PRIM2: variants seen among roughly 807,000 people sequenced by gnomAD.
The protein encoded by PRIM2 is DNA primase subunit 2, also known as DNA primase large subunit.
PRIM2 carries 39 observed loss-of-function variants against 67.3 expected under a neutral mutation model. The observed-to-expected ratio is 0.58, with a 90% CI of 0.45 to 0.76. The LOEUF is 0.76. Among genes scored for constraint, PRIM2 ranks in the 30% least tolerant of loss-of-function variants. The pLI, the probability that PRIM2 is intolerant of heterozygous loss-of-function variation, is 0.00. For missense variants in PRIM2, 398 were observed against 598.7 expected, an observed-to-expected ratio of 0.66 and a Z score of 3.50; for synonymous variants, 143 against 198.7, an observed-to-expected ratio of 0.72 and a Z score of 2.36.
intron 10 of PRIM2, among the ~76,000 whole-genome samples, chr6:57,557,697 A>C (rs1315527281): frequency 0.03 from 4,588 of 151,438 alleles, 18 homozygotes; most frequent in African/African-American, 0.1. Flanking sequence ...GTGATGAAAT[A>C]TCTATACACC....
At chr6:57,497,419 G>A (rs1202536885) in intron 7 of PRIM2, 1 of 152,102 alleles carries the variant, frequency 6.6e-6, no homozygotes, top group Non-Finnish European at 1.5e-5. Context: ...GGGTGCTTAG[G>A]TTAGCCTTTG....
At chr6:57,548,914 G>T (rs1237002691) in intron 10 of PRIM2, among the ~76,000 whole-genome samples, 1 of 151,746 alleles carries the variant, frequency 6.6e-6, no homozygotes, top group Non-Finnish European at 1.5e-5. Flanking sequence ...GTGTGCTAAG[G>T]CATTAACTAA....
intron 7 of PRIM2, among the ~76,000 whole-genome samples, chr6:57,430,911 A>C (rs1283293883): frequency 6.6e-6 from 1 of 152,208 alleles, no homozygotes; most frequent in Non-Finnish European, 1.5e-5. Flanking sequence ...ACTTCAAATA[A>C]TCTTATCTTA....
intron 7 of PRIM2, among the ~76,000 whole-genome samples, chr6:57,466,987 C>T (rs1773214406): frequency 6.6e-6 from 1 of 151,750 alleles, no homozygotes; most frequent in African/African-American, 2.4e-5. Flanking sequence ...GGCATGGTGG[C>T]ACACCCGTAT....
At chr6:57,545,164 T>G (rs1253512647) in intron 10 of PRIM2, among the ~76,000 whole-genome samples, 1 of 152,106 alleles carries the variant, frequency 6.6e-6, no homozygotes, top group Non-Finnish European at 1.5e-5. Flanking sequence ...CCATGTATTT[T>G]TCTAAATCAA....
rs1581794222 is a variant in PRIM2, at chr6:57,328,372, T to C, written c.459+2327T>C. On this transcript the variant is annotated intron_variant, in intron 5 of 13. Transcript: ENST00000615550. ...TTCCCTATTCTTCCTCTCCCAACCC[T>C]TGGCAACCACTAACCTGCTTTCTGT... is the stretch of plus-strand genomic sequence containing the variant. 2.0e-5 allele frequency among the ~76,000 whole-genome samples: 3 copies of C among 152,172 alleles called. No homozygotes were observed. In the East Asian group the frequency reaches 5.8e-4, roughly 29 times the overall value.
At chr6:57,538,867 T>C (rs1333194426) in intron 10 of PRIM2, among the ~76,000 whole-genome samples, 1 of 152,158 alleles carries the variant, frequency 6.6e-6, no homozygotes, top group Admixed American at 6.5e-5. Context: ...TCTTACGGGA[T>C]TAGGGCCCCA....
chr6:57,471,572 T>C (rs1166944416), intron 7 of PRIM2, among the ~76,000 whole-genome samples: 2 of 152,234 alleles, frequency 1.3e-5, no homozygotes, highest in African/African-American at 2.4e-5. Context: ...TCTGCTAACA[T>C]TGGTGGTAGT....
chr6:57,479,786 A>C (rs1211602945), intron 7 of PRIM2, among the ~76,000 whole-genome samples: 1 of 152,206 alleles, frequency 6.6e-6, no homozygotes, highest in African/African-American at 2.4e-5. Flanking sequence ...TTGTTTGCTT[A>C]TCTGTAAACT....
the PRIM2 span, among the ~76,000 whole-genome samples, chr6:57,287,758 C>T: frequency 6.8e-6 from 1 of 147,012 alleles, no homozygotes; most frequent in South Asian, 2.2e-4. Context: ...ACATGTATCC[C>T]AGAACTTAAA....
the PRIM2 span, among the ~76,000 whole-genome samples, chr6:57,248,717 G>A: frequency 6.6e-6 from 1 of 152,304 alleles, no homozygotes; most frequent in African/African-American, 2.4e-5. Flanking sequence ...GGACCAGTCA[G>A]AGGTAGTTTC....
chr6:57,309,089 CG>C, the PRIM2 span, among the ~76,000 whole-genome samples: 5 of 151,062 alleles, frequency 3.3e-5, no homozygotes, highest in African/African-American at 1.2e-4. Context: ...CTGCGGCCTT[CG>C]GCCCTGTTTG....
intron 10 of PRIM2, among the ~76,000 whole-genome samples, chr6:57,569,278 G>C (rs1192037215): frequency 9.2e-5 from 14 of 152,180 alleles, no homozygotes; most frequent in East Asian, 7.7e-4. Context: ...CGTTGTAGCT[G>C]TTGTTAATTT....
At chr6:57,496,760 C>T (rs1774013123) in intron 7 of PRIM2, among the ~76,000 whole-genome samples, 1 of 152,088 alleles carries the variant, frequency 6.6e-6, no homozygotes, top group Admixed American at 6.5e-5. Flanking sequence ...TATTGCCTCA[C>T]AAATTTATTA....
intron 8 of PRIM2, among the ~76,000 whole-genome samples, chr6:57,508,248 TTTGTTG>T (rs1298561626): frequency 6.6e-6 from 1 of 152,186 alleles, no homozygotes; most frequent in African/African-American, 2.4e-5. Context: ...TTTCTGTGTT[TTTGTTG>T]TTGTTGTCGT....
chr6:57,295,647 A>G, the PRIM2 span, among the ~76,000 whole-genome samples: 1 of 152,204 alleles, frequency 6.6e-6, no homozygotes, highest in Non-Finnish European at 1.5e-5. Context: ...TTTCCCAGGT[A>G]CTAAAGGAGG....
chr6:57,293,836 G>T, the PRIM2 span, among the ~76,000 whole-genome samples: 1 of 151,860 alleles, frequency 6.6e-6, no homozygotes, highest in Non-Finnish European at 1.5e-5. Flanking sequence ...GGGCCTGTTG[G>T]GGGGTGGGGG....
At chr6:57,312,047 G>C (rs1385051484), upstream of PRIM2, among the ~76,000 whole-genome samples, 5 of 38,788 alleles carry the variant, frequency 1.3e-4, no homozygotes, top group Admixed American at 1.4e-3. Flanking sequence ...GAGGGGAGAG[G>C]GGAGAGGGGA....
At chr6:57,514,666 T>C (rs1774444866) in intron 8 of PRIM2, among the ~76,000 whole-genome samples, 1 of 152,120 alleles carries the variant, frequency 6.6e-6, no homozygotes, top group African/African-American at 2.4e-5. Flanking sequence ...TTTTCACATC[T>C]GTATGGAAAA....
Sources: allele counts gnomAD v4.1 joint callset (sites outside exome capture counted in the v4.1 genomes callset), GRCh38; gene constraint gnomAD v4.1.1; transcripts MANE v1.5; gene names NCBI Gene and HGNC (gene_info 2026-07-23, HGNC 2026-07-21).